HLF: variants seen among roughly 807,000 people sequenced by gnomAD.
The protein encoded by HLF is hepatic leukemia factor.
In HLF, 3 loss-of-function variants were observed where a neutral mutation model predicts 22.6. That is an observed-to-expected ratio of 0.13 (90% CI 0.06 to 0.34). HLF has a LOEUF of 0.34. Among genes scored for constraint, HLF ranks in the 10% least tolerant of loss-of-function variants. The pLI, the probability that HLF is intolerant of heterozygous loss-of-function variation, is 1.00. For missense variants in HLF, 299 were observed against 389.2 expected (o/e 0.77, Z 1.95); for synonymous variants, 151 against 151.8 (o/e 0.99, Z 0.04).
intron 2 of HLF, among the ~76,000 whole-genome samples, chr17:55,300,350 C>T (rs1029921807): frequency 2.0e-5 from 3 of 152,160 alleles, no homozygotes; most frequent in African/African-American, 7.2e-5. Context: ...TGTCAGTGTT[C>T]CCCAGGACTT....
chr17:55,323,092 A>G lies in HLF; in HGVS notation c.*2213A>G. 4.5e-6 allele frequency: 1 copy of G among 220,014 alleles called. No homozygotes were observed. Among genetic ancestry groups the G allele is most frequent in the Non-Finnish European group, 9.1e-6 (1 of 109,670 alleles). 13.6% of individuals were successfully genotyped at this position (220,014 alleles called of 1,614,324 possible). On this transcript the variant is annotated 3_prime_UTR_variant, in exon 4 of 4. Transcript: ENST00000226067. ...TCTCTCATAGTGTCATAGACTTGGG[A>G]AACCCAACCAGTAGGATATTTCTAC...
intron 2 of HLF, among the ~76,000 whole-genome samples, chr17:55,277,233 TTATGTGTATGTGTGTGTGTGTG>T (rs1276034555): frequency 7.2e-6 from 1 of 138,954 alleles, no homozygotes; most frequent in East Asian, 2.2e-4. Context: ...GAACCAGATG[TTATGTGTATGTGTGTGTGTGTG>T]TGTGTGTGTG....
At chr17:55,292,305 ATT>A (rs1439658677) in intron 2 of HLF, among the ~76,000 whole-genome samples, 1 of 152,204 alleles carries the variant, frequency 6.6e-6, no homozygotes, top group Non-Finnish European at 1.5e-5. Flanking sequence ...TTGTCGTGTT[ATT>A]TTAAGAAACT....
intron 3 of HLF, 67 bp downstream of exon 3, chr17:55,315,514 G>T (rs1905030188): frequency 8.5e-7 from 1 of 1,182,530 alleles, no homozygotes; most frequent in Admixed American, 1.8e-5. Context: ...GATTAAAAGG[G>T]TGACCCCAGG....
intron 3 of HLF, among the ~76,000 whole-genome samples, chr17:55,316,278 T>C (rs1017213173): frequency 6.6e-6 from 1 of 152,220 alleles, no homozygotes; most frequent in African/African-American, 2.4e-5. Context: ...GTACTAGAGA[T>C]ATGATTATTA....
intron 2 of HLF, among the ~76,000 whole-genome samples, chr17:55,305,241 A>G (rs764754620): frequency 1.3e-5 from 2 of 152,234 alleles, no homozygotes; most frequent in Admixed American, 6.5e-5. Context: ...TAGCATTGAC[A>G]GGAGCCCTGG....
intron 2 of HLF, among the ~76,000 whole-genome samples, chr17:55,309,044 G>T (rs1904710553): frequency 6.6e-6 from 1 of 152,170 alleles, no homozygotes. Flanking sequence ...TATCATTTCT[G>T]CCACATTCTG....
At chr17:55,272,091 C>T (rs2080863917) in intron 2 of HLF, 1 of 152,204 alleles carries the variant, frequency 6.6e-6, no homozygotes. Context: ...TGCAGGGGCT[C>T]CTCGGTCATC....
chr17:55,313,945 A>G (rs976262169), intron 2 of HLF, among the ~76,000 whole-genome samples: 6 of 152,212 alleles, frequency 3.9e-5, no homozygotes, highest in African/African-American at 1.4e-4. Flanking sequence ...GTTTTGCTAG[A>G]ATCCGAGCCA....
At position 55,267,935 on chromosome 17, in the gene HLF, C is replaced by T. The variant is rs772609266; in HGVS notation, c.300C>T (p.Ser100=). ...TGTCAGAAAATGGCATTCCCCCCAGCCCATCTCAGCATGACCACAGCCCTC... is the reference window on the plus strand; with the variant it reads ...TGTCAGAAAATGGCATTCCCCCCAGTCCATCTCAGCATGACCACAGCCCTC... ...EFLSENGIPP[S]PSQHDHSPHP... Residue 100 remains serine (S), a synonymous_variant, in exon 2 of 4, where the codon AGC becomes AGT. Coordinates refer to ENST00000226067, the MANE Select transcript of HLF (RefSeq NM_002126.5). 5 of 1,614,024 alleles carry T rather than the reference C, an allele frequency of 3.1e-6. No individual in the cohort carries two copies. The highest frequency in any genetic ancestry group is 2.7e-5 in the African/African-American group (2 of 74,904).
At position 55,324,686 on chromosome 17, in the gene HLF, G is replaced by A. The variant is rs1187138762; in HGVS notation, c.*3807G>A. ...CTGGCAAGGCCAAGGTCTCCTCCAC[G>A]TTTTTTCTGCAATTAATAATGTCAT... is the stretch of plus-strand genomic sequence containing the variant. On this transcript the variant is annotated 3_prime_UTR_variant, in exon 4 of 4. Transcript: ENST00000226067. 52 of 232,494 alleles carry A rather than the reference G, an allele frequency of 2.2e-4. No individual in the cohort carries two copies. In the Admixed American group the frequency reaches 2.5e-3, roughly 11 times the overall value. The allele number at this position is 232,494 out of a possible 1,614,324, so 14.4% of individuals were successfully genotyped here.
chr17:55,270,805 G>A (rs1383991046), intron 2 of HLF, among the ~76,000 whole-genome samples: 2 of 151,916 alleles, frequency 1.3e-5, no homozygotes, highest in Non-Finnish European at 2.9e-5. Context: ...CACCACGCCC[G>A]GCTAATTTTT....
At chr17:55,302,648 T>C (rs1199490786) in intron 2 of HLF, among the ~76,000 whole-genome samples, 1 of 152,136 alleles carries the variant, frequency 6.6e-6, no homozygotes, top group Admixed American at 6.5e-5. Context: ...AAACAAAATA[T>C]TTAATGTAGC....
chr17:55,265,753 A>G, intron 1 of HLF, 154 bp downstream of exon 1: 1 of 1,200,158 alleles, frequency 8.3e-7, no homozygotes, highest in Non-Finnish European at 1.1e-6. Context: ...GAGCTCACCC[A>G]GCACCCTTCC....
intron 2 of HLF, chr17:55,288,885 A>G (rs773870800): frequency 8.1e-6 from 8 of 984,694 alleles, no homozygotes; most frequent in South Asian, 4.7e-5. Context: ...TCACAGAGAC[A>G]TGATTGGAAG....
chr17:55,303,803 G>A (rs907176673), intron 2 of HLF, among the ~76,000 whole-genome samples: 68 of 152,260 alleles, frequency 4.5e-4, no homozygotes, highest in African/African-American at 1.3e-3. Context: ...AATGTGAAAC[G>A]TGTGGCGGAA....
intron 2 of HLF, among the ~76,000 whole-genome samples, chr17:55,281,467 C>T (rs572905115): frequency 5.3e-5 from 8 of 152,142 alleles, no homozygotes; most frequent in African/African-American, 1.4e-4. Context: ...GAGCCAAGAT[C>T]GTGCCATTGC....
intron 2 of HLF, among the ~76,000 whole-genome samples, chr17:55,276,602 C>T (rs1933668827): frequency 6.6e-6 from 1 of 152,126 alleles, no homozygotes. Context: ...GTTATAGAGG[C>T]AGGAATGCCC....
intron 2 of HLF, among the ~76,000 whole-genome samples, chr17:55,287,338 A>G (rs924152809): frequency 1.3e-5 from 2 of 152,194 alleles, no homozygotes; most frequent in Admixed American, 6.5e-5. Context: ...CTCATAGTTG[A>G]TGATTGAGAG....
Sources: allele counts gnomAD v4.1 joint callset (sites outside exome capture counted in the v4.1 genomes callset), GRCh38; gene constraint gnomAD v4.1.1; transcripts MANE v1.5; gene names NCBI Gene and HGNC (gene_info 2026-07-23, HGNC 2026-07-21).